ATRNL1: variants seen among roughly 807,000 people sequenced by gnomAD.
The protein encoded by ATRNL1 is attractin-like protein 1.
ATRNL1 carries 95 observed loss-of-function variants against 182.7 expected under a neutral mutation model. The ratio of observed to expected loss-of-function variants is 0.52; its 90% confidence interval spans 0.44 to 0.62. The LOEUF (loss-of-function observed/expected upper bound fraction) is 0.62. Ranked by LOEUF, ATRNL1 falls within the 20% of genes least tolerant of loss-of-function variation. The probability of loss-of-function intolerance (pLI) is 0.00; values close to 1 mark genes in which losing one functional copy is unlikely to be tolerated. For synonymous variants in ATRNL1, 576 were observed against 568.3 expected (o/e 1.01, Z -0.19); for missense variants, 1,471 against 1,679.5 (o/e 0.88, Z 2.17).
intron 19 of ATRNL1, among the ~76,000 whole-genome samples, chr10:115,347,618 T>C (rs1330532220): frequency 6.6e-6 from 1 of 152,094 alleles, no homozygotes; most frequent in Non-Finnish European, 1.5e-5. Context: ...CTGGCAAAGC[T>C]TTAAATATAC....
intron 19 of ATRNL1, among the ~76,000 whole-genome samples, chr10:115,354,805 T>G (rs1856431135): frequency 6.6e-6 from 1 of 152,134 alleles, no homozygotes; most frequent in Non-Finnish European, 1.5e-5. Flanking sequence ...TGTATCCTCT[T>G]TAAGACCAGT....
rs369873760 is a variant in ATRNL1 at position 115,738,399 on chromosome 10, C to T, written c.3903+11044C>T. 1.4e-4 allele frequency among the ~76,000 whole-genome samples: 22 copies of T among 151,952 alleles called. No homozygotes were observed. In the East Asian group the frequency reaches 1.6e-3, roughly 11 times the overall value. On this transcript the variant is annotated intron_variant, in intron 27 of 28. Transcript: ENST00000355044. ...AGGTAATCCACCTGCCTCGACCTCCCAAAGTGCTGGGATTACAGGCATGAG... is the reference window on the plus strand; with the variant it reads ...AGGTAATCCACCTGCCTCGACCTCCTAAAGTGCTGGGATTACAGGCATGAG...
At chr10:115,932,568 A>G (rs199544721) in intron 28 of ATRNL1, among the ~76,000 whole-genome samples, 3 of 152,162 alleles carry the variant, frequency 2.0e-5, no homozygotes, top group African/African-American at 7.2e-5. Context: ...GAGTGTTTGC[A>G]TAATTTTTTC....
chr10:115,364,834 G>A (rs1484687276), intron 19 of ATRNL1, among the ~76,000 whole-genome samples: 20 of 150,216 alleles, frequency 1.3e-4, no homozygotes, highest in Admixed American at 4.6e-4. Context: ...ATTGATTTGC[G>A]TATATTGAAC....
At chr10:115,182,119 C>T (rs997780146) in intron 8 of ATRNL1, among the ~76,000 whole-genome samples, 1 of 151,438 alleles carries the variant, frequency 6.6e-6, no homozygotes, top group Non-Finnish European at 1.5e-5. Flanking sequence ...CACTTTAAAA[C>T]AAAGAGGTTT....
At chr10:115,832,175 A>T (rs1950575457) in intron 27 of ATRNL1, among the ~76,000 whole-genome samples, 1 of 152,182 alleles carries the variant, frequency 6.6e-6, no homozygotes, top group South Asian at 2.1e-4. Context: ...AGAAAGGGGA[A>T]CTTTTCAAAT....
At chr10:115,620,050 A>G (rs1857641888) in intron 26 of ATRNL1, among the ~76,000 whole-genome samples, 1 of 152,222 alleles carries the variant, frequency 6.6e-6, no homozygotes, top group African/African-American at 2.4e-5. Flanking sequence ...AGGCTGGATA[A>G]CTTATAAATA....
chr10:115,493,999 A>T (rs1554977411), intron 24 of ATRNL1, among the ~76,000 whole-genome samples: 1 of 152,072 alleles, frequency 6.6e-6, no homozygotes, highest in Non-Finnish European at 1.5e-5. Context: ...GTTCCTTATA[A>T]ATTCTGGTTA....
intron 26 of ATRNL1, among the ~76,000 whole-genome samples, chr10:115,580,376 G>A (rs559699637): frequency 6.6e-6 from 1 of 152,156 alleles, no homozygotes; most frequent in South Asian, 2.1e-4. Flanking sequence ...GCTGGGTATA[G>A]ATGGCAATTT....
chr10:115,357,705 A>G (rs914053714), intron 19 of ATRNL1, among the ~76,000 whole-genome samples: 1 of 151,630 alleles, frequency 6.6e-6, no homozygotes, highest in Admixed American at 6.6e-5. Context: ...TTTTATAGTA[A>G]TAATTTATGT....
At chr10:115,455,040 A>T (rs1289208515) in intron 21 of ATRNL1, among the ~76,000 whole-genome samples, 1 of 152,138 alleles carries the variant, frequency 6.6e-6, no homozygotes, top group African/African-American at 2.4e-5. Flanking sequence ...GGCTATTCAC[A>T]TATGATCTCT....
intron 28 of ATRNL1, among the ~76,000 whole-genome samples, chr10:115,936,314 G>A (rs2253684): frequency 0.97 from 148,147 of 152,282 alleles, 72,220 homozygotes; most frequent in East Asian, 1. Context: ...AAAAGAATTC[G>A]TGTGCTAGAT....
At chr10:115,219,861 C>T (rs1849378543) in intron 9 of ATRNL1, among the ~76,000 whole-genome samples, 1 of 152,034 alleles carries the variant, frequency 6.6e-6, no homozygotes, top group African/African-American at 2.4e-5. Flanking sequence ...CGAGATCGTG[C>T]CACTGTCCTC....
At chr10:115,564,925 TAAA>T (rs558978533) in intron 26 of ATRNL1, among the ~76,000 whole-genome samples, 1 of 151,998 alleles carries the variant, frequency 6.6e-6, no homozygotes, top group Non-Finnish European at 1.5e-5. Context: ...TTTTGCAACA[TAAA>T]AAATAATATT....
intron 24 of ATRNL1, among the ~76,000 whole-genome samples, chr10:115,492,245 G>C (rs1275481076): frequency 2.0e-5 from 3 of 152,090 alleles, no homozygotes; most frequent in Non-Finnish European, 4.4e-5. Context: ...TGAGGTTTTT[G>C]TTTAGAAGTC....
chr10:115,162,323 C>CA (rs1477187953), intron 6 of ATRNL1, among the ~76,000 whole-genome samples: 1 of 151,894 alleles, frequency 6.6e-6, no homozygotes, highest in Non-Finnish European at 1.5e-5. Flanking sequence ...GGCTTCATAA[C>CA]AAAGGTGAGA....
chr10:115,884,753 C>T (rs1370395142), intron 28 of ATRNL1, among the ~76,000 whole-genome samples: 2 of 152,162 alleles, frequency 1.3e-5, no homozygotes, highest in Admixed American at 6.6e-5. Flanking sequence ...TACAGGTCTT[C>T]CAAATATCCC....
chr10:115,274,357 C>T (rs2133905600), intron 13 of ATRNL1, among the ~76,000 whole-genome samples: 1 of 152,270 alleles, frequency 6.6e-6, no homozygotes, highest in South Asian at 2.1e-4. Flanking sequence ...TCCAAAGAGG[C>T]CTATTAGACA....
intron 21 of ATRNL1, among the ~76,000 whole-genome samples, chr10:115,454,435 A>T (rs1246112621): frequency 2.0e-5 from 3 of 151,882 alleles, no homozygotes; most frequent in African/African-American, 4.8e-5. Flanking sequence ...CTATTTATGT[A>T]AAAAAAGGCA....
Sources: allele counts gnomAD v4.1 joint callset (sites outside exome capture counted in the v4.1 genomes callset), GRCh38; gene constraint gnomAD v4.1.1; transcripts MANE v1.5; gene names NCBI Gene and HGNC (gene_info 2026-07-23, HGNC 2026-07-21).